The following CFAP20DC variants were observed in gnomAD, a reference collection of about 807,000 sequenced individuals.
CFAP20DC encodes CFAP20 domain containing.
Under a neutral mutation model 101.7 loss-of-function variants are expected in CFAP20DC, and 84 were observed. The observed-to-expected ratio is 0.83, with a 90% CI of 0.69 to 0.99. The LOEUF is 0.99. Ranked by LOEUF, CFAP20DC falls within the 50% of genes least tolerant of loss-of-function variation. The pLI is 0.00. For missense variants in CFAP20DC, 1,007 were observed against 970.3 expected, an observed-to-expected ratio of 1.04 and a Z score of -0.50; for synonymous variants, 359 against 351.2, an observed-to-expected ratio of 1.02 and a Z score of -0.25.
Position 58,743,962 on chromosome 3 carries a change from C to T in CFAP20DC, c.2333-1390G>A, listed in dbSNP as rs761818809. Among the ~76,000 whole-genome samples, 11 of 152,154 alleles carry T rather than the reference C, an allele frequency of 7.2e-5. No homozygotes were observed. In the South Asian group the frequency reaches 1.0e-3, roughly 14 times the overall value. ...CGGACACTGAGTTAGGTGTTCAGGA[C>T]ATGATGACAAGAAACAATCCCTATT... On this transcript the variant is annotated intron_variant, in intron 16 of 16. Coordinates refer to ENST00000482387, the MANE Select transcript of CFAP20DC (RefSeq NM_001394063.1).
downstream of CFAP20DC, among the ~76,000 whole-genome samples, chr3:58,739,973 T>C (rs2067845061): frequency 6.6e-6 from 1 of 152,180 alleles, no homozygotes; most frequent in Admixed American, 6.5e-5. Context: ...CTTAATTGCT[T>C]TCCTCCTTCA....
chr3:58,753,800 ACGCTGCTCAGCC>A lies in CFAP20DC; in HGVS notation c.2289_2300del (p.Ala764_Arg767del). 1 of 1,612,864 alleles carries A rather than the reference ACGCTGCTCAGCC, an allele frequency of 6.2e-7. No individual in the cohort carries two copies. The highest frequency in any genetic ancestry group is 8.5e-7 in the Non-Finnish European group (1 of 1,179,330). On this transcript the variant is annotated inframe_deletion, in exon 16 of 17. Coordinates refer to ENST00000482387, the MANE Select transcript of CFAP20DC (RefSeq NM_001394063.1). Reference sequence around the variant, plus strand: ...CACTCAAACTTTCACAGGAATCTGGACGCTGCTCAGCCGGCTGTTGACTGGGAGGAACGATTG... The same window carrying A: ...CACTCAAACTTTCACAGGAATCTGGAGGCTGTTGACTGGGAGGAACGATTG...
intron 6 of CFAP20DC, among the ~76,000 whole-genome samples, chr3:58,890,753 C>A (rs1338005140): frequency 2.0e-5 from 3 of 147,384 alleles, no homozygotes; most frequent in African/African-American, 7.6e-5. Flanking sequence ...GACGGGGTTG[C>A]GGCCGGGCAG....
At chr3:58,933,693 A>C (rs987208106) in intron 5 of CFAP20DC, among the ~76,000 whole-genome samples, 2 of 151,986 alleles carry the variant, frequency 1.3e-5, no homozygotes, top group Non-Finnish European at 2.9e-5. Flanking sequence ...AATGAAATGA[A>C]GGCAGAAATA....
intron 4 of CFAP20DC, among the ~76,000 whole-genome samples, chr3:58,974,022 C>T (rs116219680): frequency 6.6e-6 from 1 of 151,970 alleles, no homozygotes; most frequent in Non-Finnish European, 1.5e-5. Context: ...TATGGTATGA[C>T]GTAGGAGGAC....
chr3:58,849,252 T>A lies in CFAP20DC; in HGVS notation c.1751A>T (p.Asp584Val), dbSNP rs1380006698. ...YTEAGATESQ[D>V]SSMEQIDRNN... ...TCTATCTATTTGCTCCATCGAGGAA[T>A]CCTGGCTTTCTGTTGCTCCTGCTTC... is the stretch of plus-strand genomic sequence containing the variant. The change falls in exon 13 of 17, where the codon GAT (aspartate) becomes GTT (valine). Residue 584 changes from aspartate to valine, a missense_variant. Physicochemically the swap from Asp to Val is radical, Grantham distance 152. Transcript: ENST00000482387. 2.6e-6 allele frequency: 4 copies of A among 1,535,990 alleles called. No individual in the cohort carries two copies. The highest frequency in any genetic ancestry group is 3.9e-5 in the Admixed American group (2 of 50,974).
intron 4 of CFAP20DC, among the ~76,000 whole-genome samples, chr3:58,998,346 C>T (rs563810401): frequency 6.6e-6 from 1 of 152,234 alleles, no homozygotes; most frequent in East Asian, 1.9e-4. Flanking sequence ...TTTAGCTATC[C>T]TCTGTAAGCC....
At position 58,721,626 on chromosome 3, in the gene CFAP20DC, G is replaced by A. The variant is rs1188085539; in HGVS notation, c.198-3998C>T. ...AAGAACCCTAAAGAGCAGTGTGGCT[G>A]GGGAGAGAAGAGCCATGTGGTCCAG... On this transcript the variant is annotated intron_variant, in intron 3 of 3. Transcript: ENST00000486145. This position sits in a 1 kb window ranked among gnomAD's most constrained non-coding sequence, Gnocchi z 5.2. 6.6e-6 allele frequency among the ~76,000 whole-genome samples: 1 copy of A among 152,174 alleles called. No individual in the cohort carries two copies. The highest frequency in any genetic ancestry group is 1.5e-5 in the Non-Finnish European group (1 of 68,030).
At chr3:58,932,521 G>A (rs1380578686) in intron 5 of CFAP20DC, among the ~76,000 whole-genome samples, 1 of 152,166 alleles carries the variant, frequency 6.6e-6, no homozygotes, top group Non-Finnish European at 1.5e-5. Context: ...GGCAGCCAGA[G>A]AGAAAGGTCG....
chr3:58,735,287 G>A (rs931042039), intron 3 of CFAP20DC, among the ~76,000 whole-genome samples: 5 of 152,174 alleles, frequency 3.3e-5, no homozygotes, highest in Admixed American at 2.6e-4. Flanking sequence ...ACGAAAATGA[G>A]TTTTGCTCAA....
chr3:58,858,970 C>T (rs2079044263), intron 12 of CFAP20DC, among the ~76,000 whole-genome samples: 1 of 152,144 alleles, frequency 6.6e-6, no homozygotes, highest in South Asian at 2.1e-4. Context: ...ACAAGACTGG[C>T]AATTCAAATG....
At chr3:58,908,957 A>G (rs1420146024) in intron 6 of CFAP20DC, among the ~76,000 whole-genome samples, 1 of 152,158 alleles carries the variant, frequency 6.6e-6, no homozygotes, top group African/African-American at 2.4e-5. Flanking sequence ...AAAATTAGGA[A>G]GACAATTTAA....
intron 4 of CFAP20DC, among the ~76,000 whole-genome samples, chr3:59,013,122 A>G (rs889424728): frequency 6.6e-6 from 1 of 152,224 alleles, no homozygotes; most frequent in Non-Finnish European, 1.5e-5. Context: ...CTCTCTTCGG[A>G]GTCCCAGCCA....
intron 3 of CFAP20DC, among the ~76,000 whole-genome samples, chr3:58,719,251 A>T (rs563218323): frequency 5.3e-5 from 8 of 152,122 alleles, no homozygotes; most frequent in Non-Finnish European, 1.2e-4. Flanking sequence ...TCAACAAAAG[A>T]AAAATGCTGT....
intron 6 of CFAP20DC, among the ~76,000 whole-genome samples, chr3:58,905,345 T>C (rs947083379): frequency 6.6e-6 from 1 of 152,220 alleles, no homozygotes; most frequent in Non-Finnish European, 1.5e-5. Context: ...AAATATGCAT[T>C]CTGGTTTTTA....
At chr3:59,034,149 C>T (rs537715493) in intron 4 of CFAP20DC, among the ~76,000 whole-genome samples, 4 of 152,042 alleles carry the variant, frequency 2.6e-5, no homozygotes, top group East Asian at 3.9e-4. Context: ...AAATGCTGAG[C>T]GATTTTGTCA....
chr3:58,821,220 G>T (rs1435761763), intron 14 of CFAP20DC, among the ~76,000 whole-genome samples: 2 of 152,114 alleles, frequency 1.3e-5, no homozygotes, highest in Non-Finnish European at 2.9e-5. Flanking sequence ...TTACCATTCA[G>T]GACATAGGCA....
Position 59,039,646 on chromosome 3 carries a change from A to G in CFAP20DC, c.206-17T>C. The G allele has an allele frequency of 2.1e-6, 3 of 1,454,954 alleles. No homozygotes were observed. In the South Asian group the frequency reaches 3.8e-5, roughly 18 times the overall value. The allele number at this position is 1,454,954 out of a possible 1,614,324, so 90.1% of individuals were successfully genotyped here. On this transcript the variant is annotated splice_polypyrimidine_tract_variant and intron_variant, in intron 3 of 16. Coordinates refer to ENST00000482387, the MANE Select transcript of CFAP20DC (RefSeq NM_001394063.1). ...TCAATCCAACTAGAATGAAGAGGAA[A>G]TACACATTCAAATGTTCGAAGCATT...
chr3:58,923,690 AT>A (rs1228813745), intron 5 of CFAP20DC, among the ~76,000 whole-genome samples: 1 of 152,140 alleles, frequency 6.6e-6, no homozygotes, highest in African/African-American at 2.4e-5. Flanking sequence ...CAACTTGATT[AT>A]GATATACTAT....
Sources: allele counts gnomAD v4.1 joint callset (sites outside exome capture counted in the v4.1 genomes callset), GRCh38; gene constraint gnomAD v4.1.1; non-coding constraint Gnocchi (gnomAD v3.1); transcripts MANE v1.5; gene names NCBI Gene and HGNC (gene_info 2026-07-23, HGNC 2026-07-21).